Variants in B3GALT1 observed in about 807,000 individuals in gnomAD.
The protein encoded by B3GALT1 is beta-1,3-galactosyltransferase 1, also known as UDP-Gal:betaGlcNAc beta 1,3-galactosyltransferase, polypeptide 1.
In B3GALT1, 10 loss-of-function variants were observed where a neutral mutation model predicts 23.2. The ratio of observed to expected loss-of-function variants is 0.43; its 90% CI spans 0.27 to 0.73. The LOEUF is 0.73. Ranked by LOEUF, B3GALT1 falls within the 30% of genes least tolerant of loss-of-function variation. The pLI is 0.21. For synonymous variants in B3GALT1, 156 were observed against 141.5 expected (o/e 1.10, Z -0.73); for missense variants, 299 against 405.4 (o/e 0.74, Z 2.25).
chr2:167,744,194 A>G (rs1574240886), intron 3 of B3GALT1, among the ~76,000 whole-genome samples: 1 of 152,134 alleles, frequency 6.6e-6, no homozygotes. Flanking sequence ...TAAGAATGCA[A>G]TATCACTAGT....
At chr2:167,346,734 TTG>T (rs373270625) in intron 1 of B3GALT1, among the ~76,000 whole-genome samples, 2 of 35,810 alleles carry the variant, frequency 5.6e-5, no homozygotes, top group Non-Finnish European at 1.0e-4. Context: ...TCTGAGTTGT[TTG>T]TGTGTGTGTG....
chr2:167,793,754 G>A (rs572755675), intron 3 of B3GALT1, among the ~76,000 whole-genome samples: 24 of 152,286 alleles, frequency 1.6e-4, no homozygotes, highest in African/African-American at 5.3e-4. Flanking sequence ...TTTGGCTTGC[G>A]TGGATGGCAT....
intron 2 of B3GALT1, among the ~76,000 whole-genome samples, chr2:167,502,657 A>G (rs1374809532): frequency 6.6e-6 from 1 of 152,040 alleles, no homozygotes; most frequent in Non-Finnish European, 1.5e-5. Flanking sequence ...ATGAGATCTC[A>G]CTCACTATTA....
At chr2:167,311,080 T>A (rs531751255) in intron 1 of B3GALT1, among the ~76,000 whole-genome samples, 1 of 152,252 alleles carries the variant, frequency 6.6e-6, no homozygotes. Context: ...AATAACATTT[T>A]CATTTTCTCT....
At chr2:167,736,198 A>C (rs771073984) in intron 3 of B3GALT1, among the ~76,000 whole-genome samples, 2 of 152,206 alleles carry the variant, frequency 1.3e-5, no homozygotes, top group Admixed American at 1.3e-4. Context: ...GTCTCTTGAG[A>C]TATTCAAAAT....
chr2:167,408,807 A>AAAACC (rs34489789), intron 1 of B3GALT1, among the ~76,000 whole-genome samples: 1 of 138,078 alleles, frequency 7.2e-6, no homozygotes, highest in South Asian at 2.2e-4. Context: ...ACAAAAAAAA[A>AAAACC]AAAAAACAAA....
At chr2:167,839,067 T>C (rs1317679358) in intron 4 of B3GALT1, among the ~76,000 whole-genome samples, 2 of 152,094 alleles carry the variant, frequency 1.3e-5, no homozygotes, top group East Asian at 3.8e-4. Context: ...CCACAGCCAA[T>C]ATCATACTGA....
intron 2 of B3GALT1, among the ~76,000 whole-genome samples, chr2:167,597,574 C>G (rs1393101902): frequency 1.3e-5 from 2 of 152,142 alleles, no homozygotes; most frequent in Admixed American, 1.3e-4. Flanking sequence ...AATGAGGGAG[C>G]TTTGGGATTT....
intron 1 of B3GALT1, among the ~76,000 whole-genome samples, chr2:167,425,729 A>G (rs573955281): frequency 6.6e-6 from 1 of 152,264 alleles, no homozygotes; most frequent in African/African-American, 2.4e-5. Context: ...ACACAAATAT[A>G]TATGTGTACC....
chr2:167,699,876 C>T (rs1686851387), intron 3 of B3GALT1, among the ~76,000 whole-genome samples: 1 of 152,084 alleles, frequency 6.6e-6, no homozygotes, highest in Non-Finnish European at 1.5e-5. Flanking sequence ...CCATACCTGG[C>T]TAATTTTTGC....
chr2:167,863,838 TTC>T (rs1014001913), intron 4 of B3GALT1, among the ~76,000 whole-genome samples: 12 of 152,214 alleles, frequency 7.9e-5, no homozygotes, highest in East Asian at 1.9e-4. Flanking sequence ...AGACTTCAAA[TTC>T]TCTGTTTTTT....
chr2:167,408,923 A>T (rs1351784554), intron 1 of B3GALT1, among the ~76,000 whole-genome samples: 1 of 152,200 alleles, frequency 6.6e-6, no homozygotes, highest in African/African-American at 2.4e-5. Flanking sequence ...AAGAATTAAT[A>T]TTGTGAAAAT....
intron 2 of B3GALT1, among the ~76,000 whole-genome samples, chr2:167,536,632 T>C (rs1683431957): frequency 6.6e-6 from 1 of 152,174 alleles, no homozygotes; most frequent in South Asian, 2.1e-4. Flanking sequence ...TAAAGATATA[T>C]TTGTGTGTTA....
At chr2:167,570,261 G>A (rs908903612) in intron 2 of B3GALT1, among the ~76,000 whole-genome samples, 1 of 151,770 alleles carries the variant, frequency 6.6e-6, no homozygotes, top group African/African-American at 2.4e-5. Context: ...TTAAATGTTT[G>A]GTAGAATTCA....
chr2:167,393,980 G>A (rs528094248), intron 1 of B3GALT1, among the ~76,000 whole-genome samples: 1 of 152,102 alleles, frequency 6.6e-6, no homozygotes, highest in Non-Finnish European at 1.5e-5. Context: ...TTGAATTAGA[G>A]GTGAGGATGG....
chr2:167,338,905 A>G (rs1372796018), intron 1 of B3GALT1, among the ~76,000 whole-genome samples: 1 of 152,170 alleles, frequency 6.6e-6, no homozygotes, highest in African/African-American at 2.4e-5. Flanking sequence ...AAATATTTAA[A>G]TTTAAAAAAT....
intron 3 of B3GALT1, among the ~76,000 whole-genome samples, 195 bp from the exon 4 acceptor site, chr2:167,818,477 C>T (rs1036952193): frequency 6.6e-6 from 1 of 152,060 alleles, no homozygotes; most frequent in African/African-American, 2.4e-5. Context: ...AGCTGAAACC[C>T]TAAATGAGGT....
intron 2 of B3GALT1, among the ~76,000 whole-genome samples, chr2:167,536,997 G>A (rs547447951): frequency 6.6e-6 from 1 of 152,006 alleles, no homozygotes; most frequent in Non-Finnish European, 1.5e-5. Flanking sequence ...CAGATCCCTG[G>A]GCCAACTAAC....
At chr2:167,554,895 G>A (rs1380582235) in intron 2 of B3GALT1, among the ~76,000 whole-genome samples, 1 of 152,060 alleles carries the variant, frequency 6.6e-6, no homozygotes, top group Non-Finnish European at 1.5e-5. Context: ...CCATAGAAAA[G>A]TTCATGAAAC....
Sources: allele counts gnomAD v4.1 joint callset (sites outside exome capture counted in the v4.1 genomes callset), GRCh38; gene constraint gnomAD v4.1.1; transcripts MANE v1.5; gene names NCBI Gene and HGNC (gene_info 2026-07-23, HGNC 2026-07-21).